The following ERBB4 variants were observed in gnomAD, a reference collection of about 807,000 sequenced individuals.
ERBB4 encodes the protein erb-b2 receptor tyrosine kinase 4, also known as receptor tyrosine-protein kinase erbB-4.
Under a neutral mutation model 158.0 loss-of-function variants are expected in ERBB4, and 42 were observed. The observed-to-expected ratio is 0.27, with a 90% CI of 0.21 to 0.34. The LOEUF is 0.34. Among genes scored for constraint, ERBB4 ranks in the 10% least tolerant of loss-of-function variants. ERBB4 has a pLI of 1.00. For missense variants in ERBB4, 1,333 were observed against 1,624.1 expected, an observed-to-expected ratio of 0.82 and a Z score of 3.08; for synonymous variants, 583 against 558.7, an observed-to-expected ratio of 1.04 and a Z score of -0.61.
At chr2:211,525,291 A>C (rs1242862769) in intron 20 of ERBB4, among the ~76,000 whole-genome samples, 2 of 152,086 alleles carry the variant, frequency 1.3e-5, no homozygotes, top group Non-Finnish European at 2.9e-5. Flanking sequence ...ACTTCCTTCC[A>C]CTTCAGGAAA....
chr2:212,152,711 T>C (rs1442498277), intron 1 of ERBB4, among the ~76,000 whole-genome samples: 1 of 152,152 alleles, frequency 6.6e-6, no homozygotes. Context: ...ATATCTCCAC[T>C]CATAAGTTTA....
At chr2:211,524,485 G>C (rs576907358) in intron 20 of ERBB4, among the ~76,000 whole-genome samples, 14,422 of 145,874 alleles carry the variant, frequency 0.099, 1,515 homozygotes, top group African/African-American at 0.23. Context: ...GGGTGGGAAG[G>C]TCAGGCATGG....
intron 1 of ERBB4, among the ~76,000 whole-genome samples, chr2:212,159,673 C>T (rs1049338603): frequency 1.6e-4 from 24 of 151,496 alleles, no homozygotes; most frequent in African/African-American, 5.6e-4. Flanking sequence ...AAAGCCTGCA[C>T]AATTAAAAAA....
chr2:211,733,982 C>T (rs1575068558), intron 5 of ERBB4, among the ~76,000 whole-genome samples: 1 of 152,162 alleles, frequency 6.6e-6, no homozygotes, highest in East Asian at 1.9e-4. Context: ...ACTGAGGTTG[C>T]AGCGAGCTGA....
At chr2:212,207,644 C>A (rs1194151397) in intron 1 of ERBB4, among the ~76,000 whole-genome samples, 1 of 152,106 alleles carries the variant, frequency 6.6e-6, no homozygotes, top group Non-Finnish European at 1.5e-5. Context: ...TGTATAATGT[C>A]ATAAACAAAT....
chr2:212,373,863 C>A (rs1262156424), intron 1 of ERBB4, among the ~76,000 whole-genome samples: 2 of 97,728 alleles, frequency 2.0e-5, no homozygotes, highest in African/African-American at 7.1e-5. Context: ...ATGTATATAT[C>A]CATATATATA....
intron 1 of ERBB4, among the ~76,000 whole-genome samples, chr2:212,259,637 A>T (rs1314541044): frequency 1.3e-5 from 2 of 152,196 alleles, no homozygotes; most frequent in East Asian, 3.8e-4. Flanking sequence ...CACAAAAATA[A>T]AGGCAACGAA....
intron 1 of ERBB4, among the ~76,000 whole-genome samples, chr2:212,393,821 G>C (rs62186268): frequency 0.09 from 13,691 of 152,106 alleles, 998 homozygotes; most frequent in African/African-American, 0.2. Context: ...TTCCTTTGCA[G>C]TAAGGTGTGA....
chr2:211,991,390 G>A (rs1342303574), intron 2 of ERBB4, among the ~76,000 whole-genome samples: 2 of 151,988 alleles, frequency 1.3e-5, no homozygotes, highest in African/African-American at 4.8e-5. Context: ...TAAATATGAT[G>A]AGGGACCTAC....
chr2:211,514,605 A>G (rs985261771), intron 20 of ERBB4, among the ~76,000 whole-genome samples: 26 of 152,126 alleles, frequency 1.7e-4, no homozygotes, highest in Non-Finnish European at 5.9e-5. Flanking sequence ...CATATGTCCT[A>G]GGCTCTACTA....
chr2:212,219,984 C>T (rs780226873), intron 1 of ERBB4, among the ~76,000 whole-genome samples: 19 of 147,028 alleles, frequency 1.3e-4, no homozygotes, highest in Non-Finnish European at 2.2e-4. Context: ...GATTTTTCAT[C>T]AGTGTTGCCA....
Position 212,104,353 on chromosome 2 carries a change from G to T in ERBB4, c.234+20399C>A, listed in dbSNP as rs557624462. ...CTAATTTGGCATATATGTCCTTGTG[G>T]AATTTGAAAATAAGCAATACAGTTT... On this transcript the variant is annotated intron_variant, in intron 2 of 27. Transcript: ENST00000342788. 2.0e-5 allele frequency among the ~76,000 whole-genome samples: 3 copies of T among 152,002 alleles called. No individual in the cohort carries two copies. The South Asian group carries it at 6.3e-4, about 32-fold the overall frequency.
chr2:211,480,326 C>A (rs982524692), intron 20 of ERBB4, among the ~76,000 whole-genome samples: 5 of 152,078 alleles, frequency 3.3e-5, no homozygotes, highest in African/African-American at 1.2e-4. Context: ...GAATTGTAAT[C>A]CACGGCATTG....
intron 3 of ERBB4, among the ~76,000 whole-genome samples, chr2:211,878,482 A>G (rs1575301694): frequency 6.6e-6 from 1 of 152,210 alleles, no homozygotes; most frequent in African/African-American, 2.4e-5. Flanking sequence ...AAGCAAAAGC[A>G]TTCTTTTATC....
chr2:212,464,742 T>C (rs1206372295), intron 1 of ERBB4, among the ~76,000 whole-genome samples: 1 of 152,136 alleles, frequency 6.6e-6, no homozygotes, highest in African/African-American at 2.4e-5. Context: ...CTACAAAGTT[T>C]AAACTGTTTC....
chr2:212,216,089 T>C (rs2049179), intron 1 of ERBB4, among the ~76,000 whole-genome samples: 83,514 of 150,614 alleles, frequency 0.55, 23,340 homozygotes, highest in East Asian at 0.77. Flanking sequence ...ACTTGCGTTG[T>C]AAGTTTCCAC....
intron 17 of ERBB4, 45 bp downstream of exon 17, chr2:211,630,417 G>A (rs186249788): frequency 7.5e-5 from 121 of 1,608,746 alleles, no homozygotes; most frequent in Non-Finnish European, 9.8e-5. Flanking sequence ...TTCTAAACCT[G>A]ATGAAAATCC....
intron 15 of ERBB4, among the ~76,000 whole-genome samples, chr2:211,662,038 CAAAAAAAAAAAAAAAAAAAAAAAAAAAA>C (rs61318918): frequency 1.5e-4 from 6 of 39,710 alleles, no homozygotes; most frequent in South Asian, 1.3e-3. Context: ...GACTCCGTCT[CAAAAAAAAAAAAAAAAAAAAAAAAAAAA>C]AAAAAAAAAA....
chr2:211,999,015 T>G (rs1183573580), intron 2 of ERBB4, among the ~76,000 whole-genome samples: 1 of 151,748 alleles, frequency 6.6e-6, no homozygotes, highest in Non-Finnish European at 1.5e-5. Context: ...TTTAAAATAT[T>G]TTTATTATTT....
Sources: allele counts gnomAD v4.1 joint callset (sites outside exome capture counted in the v4.1 genomes callset), GRCh38; gene constraint gnomAD v4.1.1; transcripts MANE v1.5; gene names NCBI Gene and HGNC (gene_info 2026-07-23, HGNC 2026-07-21).